BRINP2: variants seen among roughly 807,000 people sequenced by gnomAD.
BRINP2 encodes BMP/retinoic acid inducible neural specific 2, also known as BMP/retinoic acid-inducible neural-specific protein 2.
Under a neutral mutation model 69.2 loss-of-function variants are expected in BRINP2, and 21 were observed. The observed-to-expected ratio is 0.30, with a 90% confidence interval of 0.22 to 0.44. The LOEUF is 0.44. Among genes scored for constraint, BRINP2 ranks in the 20% least tolerant of loss-of-function variants. The pLI, the probability that BRINP2 is intolerant of heterozygous loss-of-function variation, is 1.00. For synonymous variants in BRINP2, 380 were observed against 394.1 expected (o/e 0.96, Z 0.42); for missense variants, 877 against 986.0 (o/e 0.89, Z 1.48).
At position 177,278,792 on chromosome 1, in the gene BRINP2, AC is replaced by A. The variant is rs1250623142; in HGVS notation, c.1235+12del. On this transcript the variant is annotated splice_region_variant and intron_variant, in intron 7 of 7. Coordinates refer to ENST00000361539, the MANE Select transcript of BRINP2 (RefSeq NM_021165.4). ...TCCGCCTGCCCAAGGAGAGGTGAGCACCCCCTGGCTGCTACAGCCAGAGCTC... is the reference window on the plus strand; with the variant it reads ...TCCGCCTGCCCAAGGAGAGGTGAGCACCCCTGGCTGCTACAGCCAGAGCTC... The A allele has an allele frequency of 2.5e-6, 4 of 1,613,202 alleles. No individual in the cohort carries two copies. The highest frequency in any genetic ancestry group is 3.4e-6 in the Non-Finnish European group (4 of 1,179,938).
chr1:177,273,649 T>A, intron 5 of BRINP2, 56 bp downstream of exon 5: 4 of 1,082,156 alleles, frequency 3.7e-6, no homozygotes, highest in Middle Eastern at 3.1e-4. Flanking sequence ...AAAAAAAAAA[T>A]TCCTAGATCA....
Position 177,280,596 on chromosome 1 carries a change from A to G in BRINP2, c.1420A>G (p.Ser474Gly). 1 of 1,614,118 alleles carries G rather than the reference A, an allele frequency of 6.2e-7. No individual in the cohort carries two copies. The highest frequency in any genetic ancestry group is 8.5e-7 in the Non-Finnish European group (1 of 1,180,010). The change falls in exon 8 of 8, where the codon AGC becomes GGC. Residue 474 changes from serine (S) to glycine (G), a missense_variant. By Grantham distance (56) the Ser-to-Gly change is moderately conservative. Coordinates refer to ENST00000361539, the MANE Select transcript of BRINP2 (RefSeq NM_021165.4). ...PACAHCAPDN[S>G]TRCGSCNPGY... Reference sequence around the variant, plus strand: ...GTGTGCCCACTGTGCTCCAGACAATAGCACACGCTGTGGGAGCTGCAACCC... The same window carrying G: ...GTGTGCCCACTGTGCTCCAGACAATGGCACACGCTGTGGGAGCTGCAACCC...
intron 4 of BRINP2, among the ~76,000 whole-genome samples, chr1:177,264,730 A>G (rs1651065654): frequency 6.6e-6 from 1 of 152,242 alleles, no homozygotes; most frequent in African/African-American, 2.4e-5. Context: ...TAAAATACCT[A>G]GGAATACAAC....
At chr1:177,208,313 C>T (rs2102308843) in intron 1 of BRINP2, among the ~76,000 whole-genome samples, 1 of 152,310 alleles carries the variant, frequency 6.6e-6, no homozygotes, top group South Asian at 2.1e-4. Flanking sequence ...TGTGGAAAGA[C>T]AGGCAGGCAC....
intron 1 of BRINP2, among the ~76,000 whole-genome samples, chr1:177,216,840 G>T (rs560440243): frequency 2.7e-5 from 4 of 146,356 alleles, no homozygotes; most frequent in African/African-American, 5.0e-5. Flanking sequence ...CTCCTGGCCC[G>T]CGGTGTTTCT....
At chr1:177,252,467 C>G (rs1650613147) in intron 2 of BRINP2, among the ~76,000 whole-genome samples, 1 of 152,098 alleles carries the variant, frequency 6.6e-6, no homozygotes, top group South Asian at 2.1e-4. Flanking sequence ...ACATATCCGG[C>G]ACAACAGTGT....
chr1:177,278,600 C>G lies in BRINP2; in HGVS notation c.1050C>G (p.Asp350Glu). The G allele has an allele frequency of 6.2e-7, 1 of 1,614,168 alleles. No homozygotes were observed. Among genetic ancestry groups the G allele is most frequent in the Non-Finnish European group, 8.5e-7 (1 of 1,180,036 alleles). Residue 350 changes from aspartate to glutamate, a missense_variant, in exon 7 of 8, where the codon GAC (aspartate) becomes GAG (glutamate). Asp to Glu is a conservative substitution (Grantham distance 45). Around this residue, in one of 3 missense-constraint regions of BRINP2, gnomAD observed 566 missense variants for 625.2 expected, o/e 0.91. Coordinates refer to ENST00000361539, the MANE Select transcript of BRINP2 (RefSeq NM_021165.4). ...FQALLKRLPD[D>E]RFLNSTAISQ... ...CCCTGCTGAAAAGGCTGCCCGATGA[C>G]CGGTTCCTGAACTCCACAGCTATCT...
rs549896984 is a variant in BRINP2, at chr1:177,185,821, G to C, written c.-77+14089G>C. Among the ~76,000 whole-genome samples the C allele has an allele frequency of 6.8e-4, 104 of 152,256 alleles. 2 individuals are homozygous for C. The highest frequency in any genetic ancestry group is 2.0e-3 in the Admixed American group (30 of 15,302). On this transcript the variant is annotated intron_variant, in intron 1 of 7. Coordinates refer to ENST00000361539, the MANE Select transcript of BRINP2 (RefSeq NM_021165.4). ...ACCCTGTTCACAGCTCTATCAGACA[G>C]CCTCTCCTCTAGTAGCAGTGTTCTG...
At chr1:177,262,642 G>A (rs953126117) in intron 4 of BRINP2, among the ~76,000 whole-genome samples, 1 of 152,198 alleles carries the variant, frequency 6.6e-6, no homozygotes, top group African/African-American at 2.4e-5. Flanking sequence ...AGGCGGCAAT[G>A]CAGAGGGCAC....
intron 2 of BRINP2, among the ~76,000 whole-genome samples, chr1:177,249,933 T>C (rs1650528098): frequency 6.6e-6 from 1 of 152,198 alleles, no homozygotes; most frequent in South Asian, 2.1e-4. Context: ...GGAAGAAACT[T>C]ATTGGGGTAG....
intron 2 of BRINP2, among the ~76,000 whole-genome samples, chr1:177,252,805 GA>G (rs897990463): frequency 5.3e-5 from 8 of 152,170 alleles, no homozygotes; most frequent in African/African-American, 1.9e-4. Flanking sequence ...ACCTACATAT[GA>G]GTGAGGTTAT....
intron 1 of BRINP2, among the ~76,000 whole-genome samples, chr1:177,180,560 T>A (rs535249880): frequency 6.6e-6 from 1 of 152,328 alleles, no homozygotes; most frequent in South Asian, 2.1e-4. Flanking sequence ...ACAGTGGTTT[T>A]CATCTCTCAA....
chr1:177,270,740 G>A (rs1037183745), intron 4 of BRINP2, among the ~76,000 whole-genome samples: 3 of 152,196 alleles, frequency 2.0e-5, no homozygotes, highest in Admixed American at 2.0e-4. Context: ...CAGCTTACCT[G>A]TAGGCAGGGA....
chr1:177,180,928 T>C (rs1648227159), intron 1 of BRINP2, among the ~76,000 whole-genome samples: 1 of 152,216 alleles, frequency 6.6e-6, no homozygotes, highest in Non-Finnish European at 1.5e-5. Context: ...TCGTTCTCAG[T>C]AATTGAAAAT....
At chr1:177,182,566 A>T (rs1386873211) in intron 1 of BRINP2, among the ~76,000 whole-genome samples, 1 of 152,166 alleles carries the variant, frequency 6.6e-6, no homozygotes, top group Non-Finnish European at 1.5e-5. Flanking sequence ...GGCTGCTCTG[A>T]GCTACAACCC....
At position 177,263,818 on chromosome 1, in the gene BRINP2, A is replaced by AT. The variant is rs139834447; in HGVS notation, c.669+6441dup. Among the ~76,000 whole-genome samples, 832 of 152,160 alleles carry AT rather than the reference A, an allele frequency of 5.5e-3. 17 individuals carry two copies. Among genetic ancestry groups the AT allele is most frequent in the East Asian group, 0.047 (241 of 5,162 alleles). Reference sequence around the variant, plus strand: ...AATGATTTAAAAACTCACTGATGTGATTTTTTTACTCTTAACTCTCTTCCC... The same window carrying AT: ...AATGATTTAAAAACTCACTGATGTGATTTTTTTTACTCTTAACTCTCTTCCC... On this transcript the variant is annotated intron_variant, in intron 4 of 7. Coordinates refer to ENST00000361539, the MANE Select transcript of BRINP2 (RefSeq NM_021165.4).
intron 2 of BRINP2, among the ~76,000 whole-genome samples, chr1:177,247,923 G>T (rs1650434567): frequency 6.6e-6 from 1 of 152,186 alleles, no homozygotes; most frequent in Non-Finnish European, 1.5e-5. Context: ...ACTGACACCA[G>T]GATAGGTTGG....
At chr1:177,218,782 G>A (rs1427630717) in intron 1 of BRINP2, among the ~76,000 whole-genome samples, 3 of 152,086 alleles carry the variant, frequency 2.0e-5, no homozygotes, top group Non-Finnish European at 4.4e-5. Flanking sequence ...CCTTCCATGT[G>A]GAGTTTGATT....
At chr1:177,223,813 C>T (rs889698529) in intron 1 of BRINP2, among the ~76,000 whole-genome samples, 2 of 152,056 alleles carry the variant, frequency 1.3e-5, no homozygotes, top group African/African-American at 4.8e-5. Flanking sequence ...TCACCTATTG[C>T]TTGCCAGTTC....
Sources: allele counts gnomAD v4.1 joint callset (sites outside exome capture counted in the v4.1 genomes callset), GRCh38; gene constraint gnomAD v4.1.1; regional missense constraint gnomAD v4.1.1; transcripts MANE v1.5; gene names NCBI Gene and HGNC (gene_info 2026-07-23, HGNC 2026-07-21).